Variants in GRID1 observed in about 807,000 individuals in gnomAD.
The protein encoded by GRID1 is glutamate ionotropic receptor delta type subunit 1.
GRID1 carries 28 observed loss-of-function variants against 98.0 expected under a neutral mutation model. The ratio of observed to expected loss-of-function variants is 0.29; its 90% confidence interval spans 0.21 to 0.39. The LOEUF (loss-of-function observed/expected upper bound fraction) is 0.39, where lower values mean the gene tolerates loss of function less well. GRID1 is among the 10% of genes least tolerant of loss of function. GRID1 has a pLI of 1.00. For missense variants in GRID1, 1,111 were observed against 1,340.5 expected (o/e 0.83, Z 2.67); for synonymous variants, 553 against 538.5 (o/e 1.03, Z -0.37).
chr10:85,803,688 T>C (rs1842597300), intron 8 of GRID1, among the ~76,000 whole-genome samples: 1 of 151,994 alleles, frequency 6.6e-6, no homozygotes, highest in South Asian at 2.1e-4. Context: ...TTAGAAAATA[T>C]ATTTTTAGAT....
intron 2 of GRID1, among the ~76,000 whole-genome samples, chr10:86,323,231 C>G (rs931882921): frequency 2.0e-5 from 3 of 152,338 alleles, no homozygotes; most frequent in Middle Eastern, 3.4e-3. Context: ...TGGCCTCTTT[C>G]CTAGCTGAAG....
intron 12 of GRID1, among the ~76,000 whole-genome samples, chr10:85,685,235 G>A (rs893209660): frequency 6.6e-6 from 1 of 152,036 alleles, no homozygotes; most frequent in African/African-American, 2.4e-5. Flanking sequence ...AAAAGTAACT[G>A]GATTTAAAAT....
intron 4 of GRID1, among the ~76,000 whole-genome samples, chr10:86,093,286 A>G (rs1844173610): frequency 6.6e-6 from 1 of 152,164 alleles, no homozygotes; most frequent in African/African-American, 2.4e-5. Context: ...AGTCTGACAG[A>G]GCACAGACAA....
intron 5 of GRID1, among the ~76,000 whole-genome samples, chr10:85,870,986 G>C (rs903625204): frequency 5.9e-5 from 9 of 152,048 alleles, no homozygotes; most frequent in African/African-American, 2.2e-4. Flanking sequence ...AACAAAACTG[G>C]AGGAGGAGAG....
At chr10:85,768,582 A>G (rs1295648496) in intron 8 of GRID1, among the ~76,000 whole-genome samples, 1 of 152,244 alleles carries the variant, frequency 6.6e-6, no homozygotes, top group African/African-American at 2.4e-5. Flanking sequence ...GAAAAATTAT[A>G]AGACTAGCCA....
At chr10:86,249,206 AGAG>A (rs1846781565) in intron 2 of GRID1, among the ~76,000 whole-genome samples, 1 of 152,206 alleles carries the variant, frequency 6.6e-6, no homozygotes, top group South Asian at 2.1e-4. Flanking sequence ...CCTATTTCTT[AGAG>A]GATGGGGGAT....
At chr10:85,775,666 ACCT>A (rs1181858449) in intron 8 of GRID1, among the ~76,000 whole-genome samples, 2 of 152,114 alleles carry the variant, frequency 1.3e-5, no homozygotes, top group African/African-American at 4.8e-5. Context: ...AGAAACCTGC[ACCT>A]ATACCCCCCG....
chr10:85,669,140 G>A (rs1042346793), intron 12 of GRID1, among the ~76,000 whole-genome samples: 3 of 152,212 alleles, frequency 2.0e-5, no homozygotes, highest in African/African-American at 7.2e-5. Context: ...TGTCTTCCAT[G>A]TCCAACGGCT....
At chr10:85,639,113 T>C (rs1337329379) in intron 13 of GRID1, among the ~76,000 whole-genome samples, 1 of 152,226 alleles carries the variant, frequency 6.6e-6, no homozygotes, top group East Asian at 1.9e-4. Context: ...AAAGTACTTG[T>C]ATAATATTGT....
intron 3 of GRID1, among the ~76,000 whole-genome samples, chr10:86,155,074 T>C (rs1011458938): frequency 2.0e-5 from 3 of 152,188 alleles, no homozygotes; most frequent in African/African-American, 7.2e-5. Flanking sequence ...GGAACATGCC[T>C]CCTATACAGA....
At chr10:86,066,828 G>C (rs1051824334) in intron 4 of GRID1, among the ~76,000 whole-genome samples, 14 of 152,292 alleles carry the variant, frequency 9.2e-5, no homozygotes, top group African/African-American at 3.1e-4. Flanking sequence ...ACTGCAGAGT[G>C]GCAATGGGCT....
At chr10:85,778,124 C>T (rs1023101188) in intron 8 of GRID1, among the ~76,000 whole-genome samples, 10 of 152,160 alleles carry the variant, frequency 6.6e-5, no homozygotes, top group African/African-American at 7.2e-5. Context: ...ACTACATGGA[C>T]GAGAAAAGGG....
rs192215062 is a variant in GRID1, at chr10:85,720,692, T to C, written c.1997+2311A>G. On this transcript the variant is annotated intron_variant, in intron 12 of 15. Transcript: ENST00000327946. Reference sequence around the variant, plus strand: ...AGAAGAGAAAAAAAAACCCCAAAACTCTCAACCTAAACCTCAAACTTTATA... The same window carrying C: ...AGAAGAGAAAAAAAAACCCCAAAACCCTCAACCTAAACCTCAAACTTTATA... 2.6e-3 allele frequency among the ~76,000 whole-genome samples: 382 copies of C among 149,540 alleles called. 4 individuals carry two copies. Among genetic ancestry groups the C allele is most frequent in the African/African-American group, 9.0e-3 (366 of 40,790 alleles).
chr10:85,944,636 C>T (rs966577811), intron 4 of GRID1, among the ~76,000 whole-genome samples: 11 of 151,896 alleles, frequency 7.2e-5, no homozygotes, highest in South Asian at 2.1e-4. Context: ...AAGAAAGGAA[C>T]GGAGGGAGGT....
At chr10:85,756,462 T>C (rs1842099555) in intron 8 of GRID1, among the ~76,000 whole-genome samples, 1 of 152,190 alleles carries the variant, frequency 6.6e-6, no homozygotes, top group African/African-American at 2.4e-5. Flanking sequence ...TAAGGGTTAC[T>C]TGAACACAAG....
At chr10:85,904,409 C>T (rs1357289501) in intron 5 of GRID1, among the ~76,000 whole-genome samples, 2 of 152,096 alleles carry the variant, frequency 1.3e-5, no homozygotes, top group East Asian at 3.9e-4. Flanking sequence ...ACCCAGTGGA[C>T]TCCATGTGTT....
chr10:86,176,226 C>A (rs924088674), intron 3 of GRID1, among the ~76,000 whole-genome samples: 1 of 152,136 alleles, frequency 6.6e-6, no homozygotes, highest in African/African-American at 2.4e-5. Context: ...TTGAACACCA[C>A]GTTCTGGGGC....
chr10:86,141,351 A>G (rs1003562254), intron 3 of GRID1, among the ~76,000 whole-genome samples: 1 of 151,844 alleles, frequency 6.6e-6, no homozygotes, highest in Non-Finnish European at 1.5e-5. Flanking sequence ...GAAGATAAAG[A>G]CCTCTTCTTA....
chr10:86,144,882 TCTC>T (rs1336028396), intron 3 of GRID1, among the ~76,000 whole-genome samples: 1 of 151,924 alleles, frequency 6.6e-6, no homozygotes, highest in African/African-American at 2.4e-5. Context: ...CCTTTCAACT[TCTC>T]CTCCTAAACA....
Sources: gnomAD v4.1 joint callset for allele counts (sites outside exome capture counted in the v4.1 genomes callset) on GRCh38, gnomAD v4.1.1 for gene constraint, MANE v1.5 for transcripts, NCBI Gene and HGNC (gene_info 2026-07-23, HGNC 2026-07-21) for gene names.